Variants in CREBBP observed in about 807,000 individuals in gnomAD.
CREBBP encodes CREB-binding protein.
Under a neutral mutation model 265.0 loss-of-function variants are expected in CREBBP, and 19 were observed. The ratio of observed to expected loss-of-function variants is 0.07; its 90% CI spans 0.05 to 0.11. CREBBP has a LOEUF of 0.11. Among genes scored for constraint, CREBBP ranks in the 10% least tolerant of loss-of-function variants. The pLI, the probability that CREBBP is intolerant of heterozygous loss-of-function variation, is 1.00. For synonymous variants in CREBBP, 1,457 were observed against 1,223.7 expected (o/e 1.19, Z -3.98); for missense variants, 2,525 against 3,219.0 (o/e 0.78, Z 5.22).
At chr16:3,735,679 T>C (rs1458432424) in intron 28 of CREBBP, among the ~76,000 whole-genome samples, 1 of 152,146 alleles carries the variant, frequency 6.6e-6, no homozygotes, top group Non-Finnish European at 1.5e-5. Context: ...GGCATGAGCA[T>C]CATGTGCAGA....
At chr16:3,849,437 GTGTGTGTGTGTGTGTGT>G (rs1567360386) in intron 2 of CREBBP, among the ~76,000 whole-genome samples, 508 of 16,414 alleles carry the variant, frequency 0.031, 36 homozygotes, top group South Asian at 0.084. Context: ...GTGTGTGTGT[GTGTGTGTGTGTGTGTGT>G]GTGTGTGTGT....
rs1231236234 is a variant in CREBBP, at chr16:3,852,171, T to G, written c.86-1162A>C. ...ATCTTAAATTTGTTTTTTTTTTTTT[T>G]TTTTTTTTTTTGAGACAGAGTCTCG... On this transcript the variant is annotated intron_variant, in intron 1 of 30. Coordinates refer to ENST00000262367, the MANE Select transcript of CREBBP (RefSeq NM_004380.3). Among the ~76,000 whole-genome samples the G allele has an allele frequency of 7.6e-4, 87 of 114,622 alleles. 2 individuals carry two copies. The highest frequency in any genetic ancestry group is 1.9e-3 in the East Asian group (8 of 4,132). 75.2% of individuals were successfully genotyped at this position (114,622 alleles called of 152,430 possible). A position where few individuals can be genotyped will look rare whatever the true frequency, so the allele number is the denominator to read the frequency against.
Position 3,852,155 on chromosome 16 carries a change from TTG to T in CREBBP, c.86-1148_86-1147del, listed in dbSNP as rs1454726349. 8.2e-4 allele frequency among the ~76,000 whole-genome samples: 93 copies of T among 113,308 alleles called. 4 individuals carry two copies. Among genetic ancestry groups the T allele is most frequent in the African/African-American group, 4.4e-3 (89 of 20,294 alleles). 74.3% of individuals were successfully genotyped at this position (113,308 alleles called of 152,430 possible). A position where few individuals can be genotyped will look rare whatever the true frequency, so the allele number is the denominator to read the frequency against. The stretch of plus-strand genomic sequence containing the variant: ...GAGGACAGTAAAGCCAATCTTAAAT[TTG>T]TTTTTTTTTTTTTTTTTTTTTTTTT... On this transcript the variant is annotated intron_variant, in intron 1 of 30. Transcript: ENST00000262367.
intron 2 of CREBBP, among the ~76,000 whole-genome samples, chr16:3,823,764 G>C (rs998370043): frequency 6.6e-5 from 10 of 152,110 alleles, no homozygotes; most frequent in Non-Finnish European, 1.3e-4. Context: ...TGGAGCATGA[G>C]GGATGGACCT....
At chr16:3,855,391 A>T (rs530980685) in intron 1 of CREBBP, among the ~76,000 whole-genome samples, 22 of 152,272 alleles carry the variant, frequency 1.4e-4, no homozygotes, top group African/African-American at 5.3e-4. Flanking sequence ...CCTCAGCCAG[A>T]ATAGCTGGGA....
intron 1 of CREBBP, among the ~76,000 whole-genome samples, chr16:3,865,989 G>A (rs1186785801): frequency 1.3e-5 from 2 of 152,146 alleles, no homozygotes; most frequent in South Asian, 4.1e-4. Flanking sequence ...TGGCCCAGGT[G>A]ATTAACTTCA....
intron 3 of CREBBP, among the ~76,000 whole-genome samples, chr16:3,807,378 C>A (rs149641714): frequency 5.8e-4 from 89 of 152,254 alleles, no homozygotes; most frequent in African/African-American, 2.1e-3. Context: ...GTTGGGTACC[C>A]CCTAAAGCAT....
At chr16:3,856,176 T>C (rs1446058895) in intron 1 of CREBBP, among the ~76,000 whole-genome samples, 1 of 152,268 alleles carries the variant, frequency 6.6e-6, no homozygotes, top group Non-Finnish European at 1.5e-5. Context: ...CTGTCACCTC[T>C]GTGCAATGGC....
chr16:3,790,793 C>A (rs1471427320), intron 5 of CREBBP, among the ~76,000 whole-genome samples: 1 of 152,212 alleles, frequency 6.6e-6, no homozygotes, highest in Non-Finnish European at 1.5e-5. Context: ...TCGCTGCCTA[C>A]TCCCTCGCCG....
chr16:3,878,819 AAG>A (rs1315338830), intron 1 of CREBBP, among the ~76,000 whole-genome samples: 1 of 152,232 alleles, frequency 6.6e-6, no homozygotes, highest in Non-Finnish European at 1.5e-5. Flanking sequence ...AGAGCTCTAA[AAG>A]AGGAAATACA....
At chr16:3,843,257 C>T (rs1009753652) in intron 2 of CREBBP, among the ~76,000 whole-genome samples, 1 of 152,228 alleles carries the variant, frequency 6.6e-6, no homozygotes, top group Non-Finnish European at 1.5e-5. Flanking sequence ...ACTTGCCTAC[C>T]TCCTATCCTT....
At chr16:3,751,648 T>C (rs129982) in intron 20 of CREBBP, 78 bp downstream of exon 20, 33,196 of 1,410,540 alleles carry the variant, frequency 0.024, 2,070 homozygotes, top group East Asian at 0.18. Flanking sequence ...GTACCTTCCT[T>C]ATAGTCATTG....
intron 2 of CREBBP, among the ~76,000 whole-genome samples, chr16:3,838,458 T>C (rs1484943003): frequency 6.6e-5 from 10 of 152,178 alleles, no homozygotes; most frequent in Non-Finnish European, 1.2e-4. Flanking sequence ...CTGGGAGACA[T>C]GTCAAATGAA....
intron 1 of CREBBP, among the ~76,000 whole-genome samples, chr16:3,853,664 C>A (rs367850292): frequency 1.3e-5 from 2 of 151,770 alleles, no homozygotes; most frequent in Non-Finnish European, 2.9e-5. Flanking sequence ...CGGCCAGGCA[C>A]GGTAGCTCAT....
intron 14 of CREBBP, among the ~76,000 whole-genome samples, chr16:3,770,213 G>A (rs113130065): frequency 1.3e-5 from 2 of 151,728 alleles, no homozygotes; most frequent in African/African-American, 2.4e-5. Context: ...ACAATGTCTC[G>A]CTCTGTTGCC....
chr16:3,819,163 A>C (rs549965520), intron 2 of CREBBP, among the ~76,000 whole-genome samples: 16 of 152,386 alleles, frequency 1.0e-4, no homozygotes, highest in African/African-American at 3.6e-4. Flanking sequence ...ACAGCCACAA[A>C]TACAATTTCA....
intron 19 of CREBBP, among the ~76,000 whole-genome samples, chr16:3,754,435 T>C (rs1307988970): frequency 1.3e-5 from 2 of 152,208 alleles, no homozygotes; most frequent in East Asian, 1.9e-4. Flanking sequence ...CTTAAGCGCC[T>C]AGATGACATT....
chr16:3,749,408 A>T (rs2052422723), intron 21 of CREBBP, among the ~76,000 whole-genome samples: 1 of 152,248 alleles, frequency 6.6e-6, no homozygotes, highest in Non-Finnish European at 1.5e-5. Flanking sequence ...ATTTAATCTT[A>T]TCATTGTTAA....
intron 1 of CREBBP, among the ~76,000 whole-genome samples, chr16:3,858,598 C>T (rs2055010457): frequency 6.6e-6 from 1 of 152,236 alleles, no homozygotes. Context: ...TCAATAAACC[C>T]ACGTGCTGAA....
Sources: gnomAD v4.1 joint callset for allele counts (sites outside exome capture counted in the v4.1 genomes callset) on GRCh38, gnomAD v4.1.1 for gene constraint, MANE v1.5 for transcripts, NCBI Gene and HGNC (gene_info 2026-07-23, HGNC 2026-07-21) for gene names.